The following ZNF221 variants were observed in gnomAD, a reference collection of about 807,000 sequenced individuals.
The protein encoded by ZNF221 is zinc finger protein 221.
ZNF221 carries 10 observed loss-of-function variants against 12.6 expected under a neutral mutation model. The ratio of observed to expected loss-of-function variants is 0.79; its 90% CI spans 0.49 to 1.34. The LOEUF is 1.34. Among genes scored for constraint, ZNF221 ranks in the 40% most tolerant of loss-of-function variants. The probability of loss-of-function intolerance (pLI) is 0.00; values close to 1 mark genes in which losing one functional copy is unlikely to be tolerated. For synonymous variants in ZNF221, 232 were observed against 244.0 expected, an observed-to-expected ratio of 0.95 and a Z score of 0.46; for missense variants, 661 against 721.4, an observed-to-expected ratio of 0.92 and a Z score of 0.96.
chr19:43,981,488 A>G, the ZNF221 span, among the ~76,000 whole-genome samples: 1 of 152,224 alleles, frequency 6.6e-6, no homozygotes, highest in Non-Finnish European at 1.5e-5. Context: ...GTGTATTTAT[A>G]ACAGCATCAT....
At chr19:43,952,950 T>A (rs1658737706) in intron 1 of ZNF221, among the ~76,000 whole-genome samples, 1 of 152,178 alleles carries the variant, frequency 6.6e-6, no homozygotes, top group Non-Finnish European at 1.5e-5. Flanking sequence ...CCATTAAGCT[T>A]ATTTTTATTT....
At chr19:43,969,368 A>G (rs1418057592), downstream of ZNF221, among the ~76,000 whole-genome samples, 1 of 77,704 alleles carries the variant, frequency 1.3e-5, no homozygotes, top group Non-Finnish European at 2.3e-5. Flanking sequence ...TTTTTTTTTG[A>G]GATGGAGTCT....
chr19:43,956,739 C>T (rs189039676), intron 1 of ZNF221, among the ~76,000 whole-genome samples: 1 of 152,302 alleles, frequency 6.6e-6, no homozygotes, highest in East Asian at 1.9e-4. Context: ...GCAGAGGATC[C>T]ACCAAACTTT....
chr19:43,956,332 G>C (rs1974753172), intron 1 of ZNF221, among the ~76,000 whole-genome samples: 1 of 152,172 alleles, frequency 6.6e-6, no homozygotes, highest in African/African-American at 2.4e-5. Context: ...ACGTTCCCTA[G>C]TCAGATACAA....
the ZNF221 span, among the ~76,000 whole-genome samples, chr19:43,973,707 C>T: frequency 6.6e-6 from 1 of 152,080 alleles, no homozygotes; most frequent in Non-Finnish European, 1.5e-5. Flanking sequence ...AAGCGAAGGA[C>T]CCCTTCAAGG....
Position 43,965,253 on chromosome 19 carries a change from G to A in ZNF221, c.229G>A (p.Asp77Asn). ...CACAGGGAATCAACCATTCCACCAA[G>A]ATACTTTCCACTTCTTAGGGAAGGA... ...LSVGNQPFHQ[D>N]TFHFLGKEKF... is the part of the protein sequence containing the mutation. The change falls in exon 4 of 5, where the codon GAT (aspartate) becomes AAT (asparagine). Residue 77 changes from aspartate to asparagine, a missense_variant. By Grantham distance (23) the Asp-to-Asn change is conservative. Transcript: ENST00000587682. The A allele has an allele frequency of 3.7e-6, 6 of 1,612,962 alleles. No individual in the cohort carries two copies. Among genetic ancestry groups the A allele is most frequent in the Non-Finnish European group, 5.1e-6 (6 of 1,179,470 alleles).
intron 2 of ZNF221, among the ~76,000 whole-genome samples, chr19:43,963,124 T>C (rs1051128452): frequency 1.3e-5 from 2 of 152,226 alleles, no homozygotes; most frequent in Non-Finnish European, 2.9e-5. Flanking sequence ...TTTTTATTGA[T>C]GACATACCTC....
At chr19:43,977,892 C>T in the ZNF221 span, among the ~76,000 whole-genome samples, 1 of 152,134 alleles carries the variant, frequency 6.6e-6, no homozygotes, top group Non-Finnish European at 1.5e-5. Context: ...ACTAAAATAA[C>T]TGAGACTATA....
At chr19:43,955,960 C>G (rs1974747779) in intron 1 of ZNF221, among the ~76,000 whole-genome samples, 1 of 152,134 alleles carries the variant, frequency 6.6e-6, no homozygotes, top group South Asian at 2.1e-4. Flanking sequence ...AGAATGTTTT[C>G]CTAACATTAC....
Position 43,964,995 on chromosome 19 carries a change from G to T in ZNF221, c.127G>T (p.Glu43Ter). 6.2e-7 allele frequency: 1 copy of T among 1,614,180 alleles called. No homozygotes were observed. The highest frequency in any genetic ancestry group is 8.5e-7 in the Non-Finnish European group (1 of 1,180,026). Residue 43 changes from glutamate to a stop codon, truncating the protein, a stop_gained, in exon 3 of 5, where the codon GAG becomes TAG. Coordinates refer to ENST00000587682, the MANE Select transcript of ZNF221 (RefSeq NM_001297588.2). LOFTEE classifies it high-confidence loss of function. ...TGTGGCTGTGGTCTTCACTGAGGAG[G>T]AGCTGGGGCTGCTGGACCCTGCCCA... The part of the protein sequence containing the change: ...KDVAVVFTEE[E>*]LGLLDPAQRK...
chr19:43,964,830 C>A, intron 2 of ZNF221, 120 bp from the exon 3 acceptor site: 1 of 1,331,336 alleles, frequency 7.5e-7, no homozygotes, highest in Non-Finnish European at 1.1e-6. Context: ...TGTATGTTGA[C>A]CTACATCCCT....
At chr19:43,980,938 A>G in the ZNF221 span, among the ~76,000 whole-genome samples, 1 of 152,216 alleles carries the variant, frequency 6.6e-6, no homozygotes, top group South Asian at 2.1e-4. Flanking sequence ...AGTGATTAAA[A>G]TGTTAATGAA....
downstream of ZNF221, chr19:43,967,795 G>T: frequency 5.8e-6 from 1 of 171,932 alleles, no homozygotes; most frequent in Non-Finnish European, 1.3e-5. Context: ...ACATCTTAAA[G>T]ACCAAGAAAA....
the ZNF221 span, among the ~76,000 whole-genome samples, chr19:43,981,076 TA>T: frequency 7.3e-4 from 106 of 145,168 alleles, no homozygotes; most frequent in East Asian, 4.8e-3. Flanking sequence ...GACCTTGTTC[TA>T]AAAAAAAAAA....
At chr19:43,965,716 A>G (rs191860855) in intron 4 of ZNF221, 88 bp from the exon 5 acceptor site, 39 of 1,222,298 alleles carry the variant, frequency 3.2e-5, no homozygotes, top group African/African-American at 2.9e-4. Flanking sequence ...TTTTCATTAA[A>G]GTTTAATGCC....
In ZNF221 at chr19:43,966,223, C is replaced by CT; in HGVS notation, c.722dup (p.Gln242AlafsTer24). On this transcript the variant is annotated frameshift_variant, in exon 5 of 5. Transcript: ENST00000587682. LOFTEE classifies it low-confidence loss of function (END_TRUNC). ...TAAGGAATTTAATCAGAGCTCACAT[C>CT]TGCAAACTCATCAGAGAGTCCATAC... 2 of 1,614,216 alleles carry CT rather than the reference C, an allele frequency of 1.2e-6. No homozygotes were observed. The highest frequency in any genetic ancestry group is 1.7e-6 in the Non-Finnish European group (2 of 1,180,028).
the ZNF221 span, among the ~76,000 whole-genome samples, chr19:43,979,748 TCAACGCTGAC>T: frequency 7.9e-5 from 12 of 152,230 alleles, no homozygotes; most frequent in African/African-American, 2.9e-4. Context: ...TTACTCCGTT[TCAACGCTGAC>T]CAAAAGATAT....
chr19:43,953,708 G>C (rs1489342268), intron 1 of ZNF221, among the ~76,000 whole-genome samples: 2 of 152,124 alleles, frequency 1.3e-5, no homozygotes, highest in East Asian at 3.9e-4. Flanking sequence ...TATGCCAGGA[G>C]ACATGTTAGT....
At chr19:43,975,320 G>A in the ZNF221 span, among the ~76,000 whole-genome samples, 1 of 152,102 alleles carries the variant, frequency 6.6e-6, no homozygotes, top group Non-Finnish European at 1.5e-5. Flanking sequence ...TGATAGACTG[G>A]ATAAAGAAAA....
Sources: allele counts gnomAD v4.1 joint callset (sites outside exome capture counted in the v4.1 genomes callset), GRCh38; gene constraint gnomAD v4.1.1; transcripts MANE v1.5; gene names NCBI Gene and HGNC (gene_info 2026-07-23, HGNC 2026-07-21).